ZNF804A: variants seen among roughly 807,000 people sequenced by gnomAD.
The protein encoded by ZNF804A is zinc finger protein 804A.
A neutral mutation model predicts 16.5 loss-of-function variants in ZNF804A; 2 were observed. The observed-to-expected ratio is 0.12, with a 90% confidence interval of 0.05 to 0.38. ZNF804A has a LOEUF of 0.38. Among genes scored for constraint, ZNF804A ranks in the 10% least tolerant of loss-of-function variants. The probability of loss-of-function intolerance (pLI) is 0.99; values close to 1 mark genes in which losing one functional copy is unlikely to be tolerated. For missense variants in ZNF804A, 1,473 were observed against 1,390.7 expected, an observed-to-expected ratio of 1.06 and a Z score of -0.94; for synonymous variants, 534 against 489.6, an observed-to-expected ratio of 1.09 and a Z score of -1.20.
intron 1 of ZNF804A, among the ~76,000 whole-genome samples, chr2:184,786,310 C>T (rs569823919): frequency 5.5e-4 from 83 of 151,868 alleles, no homozygotes; most frequent in African/African-American, 2.0e-3. Flanking sequence ...GTTTTTTCAG[C>T]TATTAAAAAA....
chr2:184,901,046 T>C (rs1219445766), intron 2 of ZNF804A, among the ~76,000 whole-genome samples: 1 of 152,170 alleles, frequency 6.6e-6, no homozygotes. Context: ...CATTCTCCTC[T>C]ACCAGTATAG....
chr2:184,860,161 G>A (rs537280935), intron 1 of ZNF804A, among the ~76,000 whole-genome samples: 26 of 152,312 alleles, frequency 1.7e-4, no homozygotes, highest in Middle Eastern at 3.4e-3. Flanking sequence ...TGGGTCCTCC[G>A]GAGTCCAGGG....
chr2:184,814,337 T>C (rs1360850557), intron 1 of ZNF804A, among the ~76,000 whole-genome samples: 1 of 152,068 alleles, frequency 6.6e-6, no homozygotes, highest in African/African-American at 2.4e-5. Flanking sequence ...CCAGTACTAC[T>C]TTGATTCAAA....
intron 1 of ZNF804A, among the ~76,000 whole-genome samples, chr2:184,652,462 A>T (rs1001516694): frequency 6.6e-6 from 1 of 152,116 alleles, no homozygotes; most frequent in African/African-American, 2.4e-5. Flanking sequence ...ATAAGGTAAA[A>T]TTGTATTTAA....
chr2:184,783,402 G>A (rs1487746311), intron 1 of ZNF804A, among the ~76,000 whole-genome samples: 1 of 151,576 alleles, frequency 6.6e-6, no homozygotes, highest in African/African-American at 2.4e-5. Context: ...TATATTTCTA[G>A]AAAATGCTTT....
chr2:184,747,121 G>A (rs1693800643), intron 1 of ZNF804A, among the ~76,000 whole-genome samples: 1 of 150,948 alleles, frequency 6.6e-6, no homozygotes, highest in African/African-American at 2.4e-5. Flanking sequence ...ATTAATATTA[G>A]TAAAAAGTTT....
At chr2:184,718,905 G>A (rs562136649) in intron 1 of ZNF804A, among the ~76,000 whole-genome samples, 129 of 152,158 alleles carry the variant, frequency 8.5e-4, no homozygotes, top group African/African-American at 2.7e-3. Flanking sequence ...TCAAGCAGGC[G>A]GTGCCCCAGT....
intron 2 of ZNF804A, among the ~76,000 whole-genome samples, chr2:184,903,076 G>C (rs1308440404): frequency 1.3e-5 from 2 of 152,104 alleles, no homozygotes. Flanking sequence ...CTGCAGCTTT[G>C]TCTCAGTAAC....
intron 1 of ZNF804A, among the ~76,000 whole-genome samples, chr2:184,835,340 A>G (rs1484247764): frequency 6.6e-6 from 1 of 152,152 alleles, no homozygotes; most frequent in Admixed American, 6.6e-5. Context: ...AGTCATATTT[A>G]TATCCACCTT....
intron 1 of ZNF804A, among the ~76,000 whole-genome samples, chr2:184,714,964 G>A (rs1375097250): frequency 6.6e-6 from 1 of 152,144 alleles, no homozygotes; most frequent in Admixed American, 6.6e-5. Context: ...ATTGAAGGAT[G>A]AGTCTTCAAA....
chr2:184,680,906 C>T (rs560221599), intron 1 of ZNF804A, among the ~76,000 whole-genome samples: 23 of 152,296 alleles, frequency 1.5e-4, no homozygotes, highest in African/African-American at 5.1e-4. Context: ...CTGGCATCTA[C>T]AAGCAACCAG....
chr2:184,645,585 G>A (rs552167722), intron 1 of ZNF804A, among the ~76,000 whole-genome samples: 2 of 152,118 alleles, frequency 1.3e-5, no homozygotes, highest in African/African-American at 2.4e-5. Context: ...AAAAAGAAAA[G>A]CTGATAACAT....
chr2:184,894,013 G>A (rs1685025950), intron 2 of ZNF804A, among the ~76,000 whole-genome samples: 1 of 152,034 alleles, frequency 6.6e-6, no homozygotes, highest in Admixed American at 6.5e-5. Flanking sequence ...AAATAAAATT[G>A]TCTAATCATA....
intron 2 of ZNF804A, among the ~76,000 whole-genome samples, chr2:184,875,571 T>A (rs1373047883): frequency 2.0e-5 from 3 of 152,126 alleles, no homozygotes; most frequent in African/African-American, 7.2e-5. Context: ...CAAATCAGCC[T>A]CTTTTCTTTA....
intron 1 of ZNF804A, among the ~76,000 whole-genome samples, chr2:184,733,948 T>G (rs913875638): frequency 1.3e-5 from 2 of 152,094 alleles, no homozygotes; most frequent in East Asian, 3.8e-4. Flanking sequence ...ATTTTGTTGA[T>G]CTTTTAAAGA....
chr2:184,810,023 A>T (rs1319021846), intron 1 of ZNF804A, among the ~76,000 whole-genome samples: 1 of 152,196 alleles, frequency 6.6e-6, no homozygotes, highest in South Asian at 2.1e-4. Flanking sequence ...TAAGTATAAC[A>T]CATATTAGGT....
chr2:184,689,885 AT>A (rs1692702224), intron 1 of ZNF804A, among the ~76,000 whole-genome samples: 1 of 152,034 alleles, frequency 6.6e-6, no homozygotes, highest in African/African-American at 2.4e-5. Flanking sequence ...ACAACACATA[AT>A]GTAGTAATAA....
In ZNF804A at chr2:184,938,697, A is replaced by T; in HGVS notation, c.3301A>T (p.Thr1101Ser). The change falls in exon 4 of 4, where the codon ACT (threonine) becomes TCT (serine). Residue 1101 changes from threonine to serine, a missense_variant. Transcript: ENST00000302277. The part of the protein sequence containing the change: ...CSTSVTTIHH[T>S]VLQQHAAAAA... ...TACCTCTGTAACCACTATCCATCAC[A>T]CTGTTTTGCAGCAGCACGCTGCAGC... 2 of 1,613,040 alleles carry T rather than the reference A, an allele frequency of 1.2e-6. No homozygotes were observed. Among genetic ancestry groups the T allele is most frequent in the Non-Finnish European group, 1.7e-6 (2 of 1,179,664 alleles).
chr2:184,623,502 A>G (rs1691449184), intron 1 of ZNF804A, among the ~76,000 whole-genome samples: 1 of 152,096 alleles, frequency 6.6e-6, no homozygotes, highest in Non-Finnish European at 1.5e-5. Flanking sequence ...CATTTTTCAT[A>G]TATTTTTACT....
Sources: allele counts gnomAD v4.1 joint callset (sites outside exome capture counted in the v4.1 genomes callset), GRCh38; gene constraint gnomAD v4.1.1; transcripts MANE v1.5; gene names NCBI Gene and HGNC (gene_info 2026-07-23, HGNC 2026-07-21).